Variants in ENTREP2 observed in about 807,000 individuals in gnomAD.
ENTREP2 encodes protein ENTREP2.
At chr15:29,464,207 A>G in the ENTREP2 span, among the ~76,000 whole-genome samples, 33 of 152,096 alleles carry the variant, frequency 2.2e-4, no homozygotes, top group East Asian at 6.4e-3. Flanking sequence ...ATGTTATGTT[A>G]TAGATATTTC....
the ENTREP2 span, among the ~76,000 whole-genome samples, chr15:29,455,146 C>G: frequency 6.6e-6 from 1 of 152,184 alleles, no homozygotes; most frequent in Non-Finnish European, 1.5e-5. Context: ...AGAAGCCCAG[C>G]CTGCTGGGGG....
chr15:29,152,843 GTTTTA>G, the ENTREP2 span, among the ~76,000 whole-genome samples: 1 of 152,146 alleles, frequency 6.6e-6, no homozygotes, highest in Admixed American at 6.5e-5. Flanking sequence ...TGCATGTTTA[GTTTTA>G]TTTTAAAAAC....
chr15:29,347,717 A>C, the ENTREP2 span, among the ~76,000 whole-genome samples: 29 of 152,334 alleles, frequency 1.9e-4, no homozygotes, highest in Non-Finnish European at 3.4e-4. Context: ...ATAAGGGGCA[A>C]CTGGAACAAA....
the ENTREP2 span, among the ~76,000 whole-genome samples, chr15:29,571,238 G>A: frequency 6.6e-6 from 1 of 152,128 alleles, no homozygotes; most frequent in East Asian, 1.9e-4. Flanking sequence ...AGGAGAGCGG[G>A]GGCGGCAGCG....
chr15:29,633,520 A>G, the ENTREP2 span, among the ~76,000 whole-genome samples: 1 of 152,210 alleles, frequency 6.6e-6, no homozygotes, highest in East Asian at 1.9e-4. Context: ...AGTGTTTTTA[A>G]AAGGGCCCAG....
At chr15:29,174,707 C>CAAAAAA in the ENTREP2 span, among the ~76,000 whole-genome samples, 1 of 138,362 alleles carries the variant, frequency 7.2e-6, no homozygotes, top group African/African-American at 3.1e-5. Context: ...CAAAACAAAA[C>CAAAAAA]AACAAAAAAA....
the ENTREP2 span, among the ~76,000 whole-genome samples, chr15:29,260,012 G>A: frequency 2.6e-5 from 4 of 152,132 alleles, no homozygotes; most frequent in African/African-American, 9.7e-5. Context: ...AGAAACACAT[G>A]AATTAACAAA....
chr15:29,576,588 T>C, the ENTREP2 span, among the ~76,000 whole-genome samples: 2 of 152,242 alleles, frequency 1.3e-5, no homozygotes, highest in Non-Finnish European at 2.9e-5. Flanking sequence ...ACCAGAGATA[T>C]ATGCCATGTA....
the ENTREP2 span, among the ~76,000 whole-genome samples, chr15:29,492,657 T>A: frequency 2.6e-5 from 4 of 152,186 alleles, no homozygotes; most frequent in African/African-American, 9.7e-5. Context: ...AAAAGGCAAT[T>A]ACTATTTTAA....
the ENTREP2 span, among the ~76,000 whole-genome samples, chr15:29,384,323 C>T: frequency 0.08 from 12,135 of 152,100 alleles, 743 homozygotes; most frequent in African/African-American, 0.15. Context: ...GTTCAGGGGC[C>T]ACTCCGTCAC....
chr15:29,252,410 A>G, the ENTREP2 span: 1 of 1,551,352 alleles, frequency 6.4e-7, no homozygotes, highest in Admixed American at 2.0e-5. Flanking sequence ...GAGCATTCTG[A>G]CAAGAGAGAA....
the ENTREP2 span, among the ~76,000 whole-genome samples, chr15:29,247,440 G>A: frequency 3.3e-5 from 5 of 152,114 alleles, no homozygotes; most frequent in East Asian, 1.9e-4. Context: ...TTAAAAGTCC[G>A]GGATGGGGTA....
the ENTREP2 span, among the ~76,000 whole-genome samples, chr15:29,332,045 T>A: frequency 6.6e-6 from 1 of 152,122 alleles, no homozygotes; most frequent in African/African-American, 2.4e-5. Flanking sequence ...GCATAAATAA[T>A]CCGTGTCAAT....
chr15:29,486,271 A>G, the ENTREP2 span, among the ~76,000 whole-genome samples: 4 of 152,234 alleles, frequency 2.6e-5, no homozygotes, highest in African/African-American at 9.6e-5. Context: ...CCTGAAAGAC[A>G]TCACACCAAG....
the ENTREP2 span, among the ~76,000 whole-genome samples, chr15:29,264,480 C>A: frequency 6.6e-6 from 1 of 152,116 alleles, no homozygotes; most frequent in Non-Finnish European, 1.5e-5. Context: ...AATAACAGGA[C>A]AAATTGAAAT....
chr15:29,179,049 T>C, the ENTREP2 span, among the ~76,000 whole-genome samples: 2 of 152,234 alleles, frequency 1.3e-5, no homozygotes, highest in Admixed American at 1.3e-4. Context: ...CTGCAGGATG[T>C]TGTATTTGTT....
the ENTREP2 span, among the ~76,000 whole-genome samples, chr15:29,289,165 C>A: frequency 6.6e-6 from 1 of 151,088 alleles, no homozygotes; most frequent in Admixed American, 6.6e-5. Flanking sequence ...CAAGATCACG[C>A]CACTGCACTC....
chr15:29,607,870 A>G, the ENTREP2 span, among the ~76,000 whole-genome samples: 1 of 152,130 alleles, frequency 6.6e-6, no homozygotes, highest in Non-Finnish European at 1.5e-5. Context: ...AGATAGACAG[A>G]GAAAGGGGAG....
the ENTREP2 span, among the ~76,000 whole-genome samples, chr15:29,549,435 A>G: frequency 6.6e-6 from 1 of 151,810 alleles, no homozygotes; most frequent in African/African-American, 2.4e-5. Context: ...ACACCTGGCT[A>G]ATTTTTTTGT....
Sources: gnomAD v4.1 joint callset for allele counts (sites outside exome capture counted in the v4.1 genomes callset) on GRCh38, gnomAD v4.1.1 for gene constraint, MANE v1.5 for transcripts, NCBI Gene and HGNC (gene_info 2026-07-23, HGNC 2026-07-21) for gene names.